The following CHRDL1 variants were observed in gnomAD, a reference collection of about 807,000 sequenced individuals.
CHRDL1 encodes the protein chordin-like protein 1.
In CHRDL1, 19 loss-of-function variants were observed where a neutral mutation model predicts 40.9. The observed-to-expected ratio is 0.46, with a 90% CI of 0.32 to 0.68. The LOEUF is 0.68. CHRDL1 is among the 30% of genes least tolerant of loss of function. The probability of loss-of-function intolerance (pLI) is 0.03; values close to 1 mark genes in which losing one functional copy is unlikely to be tolerated. For synonymous variants in CHRDL1, 136 were observed against 123.4 expected, an observed-to-expected ratio of 1.10 and a Z score of -0.68; for missense variants, 329 against 352.1, an observed-to-expected ratio of 0.93 and a Z score of 0.53.
Position 110,759,541 on chromosome X carries a change from A to C in CHRDL1, c.301+120T>G. On this transcript the variant is annotated intron_variant, in intron 4 of 11. Coordinates refer to ENST00000372042, the MANE Select transcript of CHRDL1 (RefSeq NM_001143981.2). ...TTAGAGGCCAGTTTGGACTGCCTAA[A>C]GGTTCCTATTGTTATCTGTCTGGAA... 4 of 559,187 alleles carry C rather than the reference A, an allele frequency of 7.2e-6. No individual in the cohort carries two copies. In the South Asian group the frequency reaches 7.7e-5, roughly 11 times the overall value. The allele number at this position is 559,187 out of a possible 1,213,427, so 46.1% of individuals were successfully genotyped here.
At chrX:110,782,082 T>C (rs2089954301) in intron 2 of CHRDL1, among the ~76,000 whole-genome samples, 1 of 112,061 alleles carries the variant, frequency 8.9e-6, no homozygotes, top group Non-Finnish European at 1.9e-5. Flanking sequence ...AGGAGGTAGA[T>C]GATAAGTGTA....
intron 4 of CHRDL1, among the ~76,000 whole-genome samples, chrX:110,738,173 G>T: frequency 8.9e-6 from 1 of 112,202 alleles, no homozygotes; most frequent in Non-Finnish European, 1.9e-5. Flanking sequence ...CTTTAGATTA[G>T]ACAGCAAAGA....
intron 3 of CHRDL1, among the ~76,000 whole-genome samples, chrX:110,760,272 G>A (rs375946283): frequency 8.9e-5 from 10 of 112,206 alleles, no homozygotes; most frequent in African/African-American, 3.2e-4. Context: ...AAATTCTTCT[G>A]AGGACGAGCT....
At position 110,751,813 on chromosome X, in the gene CHRDL1, G is replaced by A. The variant is rs756969557; in HGVS notation, c.301+7848C>T. On this transcript the variant is annotated intron_variant, in intron 4 of 11. Transcript: ENST00000372042. Reference sequence around the variant, plus strand: ...GGGAAATCAGTGTATTAAAGGGATAGCTACATCCCTATGTTTATCGCAGGA... The same window carrying A: ...GGGAAATCAGTGTATTAAAGGGATAACTACATCCCTATGTTTATCGCAGGA... 6.7e-4 allele frequency among the ~76,000 whole-genome samples: 75 copies of A among 111,762 alleles called. 1 individual carries two copies. The highest frequency in any genetic ancestry group is 1.3e-4 in the Non-Finnish European group (7 of 53,129).
At chrX:110,773,123 G>C (rs1203661101) in intron 2 of CHRDL1, among the ~76,000 whole-genome samples, 1 of 111,658 alleles carries the variant, frequency 9.0e-6, no homozygotes, top group Non-Finnish European at 1.9e-5. Flanking sequence ...TGATTAGTTT[G>C]GATTTGATTT....
At chrX:110,703,590 G>T (rs1472824464) in intron 6 of CHRDL1, among the ~76,000 whole-genome samples, 2 of 111,766 alleles carry the variant, frequency 1.8e-5, no homozygotes, top group Admixed American at 9.6e-5. Context: ...TTGCCCTCAG[G>T]ATATTTACAC....
At chrX:110,781,581 T>C (rs1211554517) in intron 2 of CHRDL1, among the ~76,000 whole-genome samples, 1 of 111,675 alleles carries the variant, frequency 9.0e-6, no homozygotes, top group African/African-American at 3.2e-5. Context: ...ATGTTCTGCA[T>C]GGTTGAATGA....
At chrX:110,695,381 C>T (rs2070365454) in intron 7 of CHRDL1, among the ~76,000 whole-genome samples, 1 of 110,437 alleles carries the variant, frequency 9.1e-6, no homozygotes, top group Admixed American at 9.6e-5. Flanking sequence ...ACTCTGGTAC[C>T]TAAGAAAAGC....
intron 4 of CHRDL1, among the ~76,000 whole-genome samples, chrX:110,748,906 G>C (rs1040230473): frequency 1.8e-5 from 2 of 111,806 alleles, no homozygotes; most frequent in Admixed American, 9.5e-5. Context: ...GCAACAGTGT[G>C]AATGCACTTA....
chrX:110,787,956 T>G (rs1177711904), intron 2 of CHRDL1, among the ~76,000 whole-genome samples: 4 of 112,808 alleles, frequency 3.5e-5, no homozygotes, highest in African/African-American at 1.3e-4. Context: ...AAGTTAGATC[T>G]GCCAAATGGG....
At chrX:110,790,949 C>T (rs764738635) in intron 2 of CHRDL1, among the ~76,000 whole-genome samples, 2 of 106,524 alleles carry the variant, frequency 1.9e-5, no homozygotes, top group South Asian at 8.7e-4. Context: ...AAAGCATAAT[C>T]AAAAACACTA....
At chrX:110,733,582 C>T (rs2071206991) in intron 4 of CHRDL1, among the ~76,000 whole-genome samples, 1 of 111,563 alleles carries the variant, frequency 9.0e-6, no homozygotes, top group South Asian at 3.8e-4. Context: ...ATGCCTTCTA[C>T]TTCTCTATCT....
intron 9 of CHRDL1, among the ~76,000 whole-genome samples, chrX:110,681,872 C>T (rs780665134): frequency 5.2e-4 from 59 of 112,445 alleles, no homozygotes; most frequent in African/African-American, 1.7e-3. Context: ...CAAAGGAGCA[C>T]GTAACTTTGA....
At chrX:110,708,211 A>G (rs1286294447) in intron 6 of CHRDL1, among the ~76,000 whole-genome samples, 1 of 111,327 alleles carries the variant, frequency 9.0e-6, no homozygotes, top group African/African-American at 3.3e-5. Flanking sequence ...AATTAGTTCA[A>G]CCATTGTGGA....
chrX:110,736,350 C>T (rs537167952), intron 4 of CHRDL1, among the ~76,000 whole-genome samples: 9 of 111,827 alleles, frequency 8.0e-5, no homozygotes, highest in African/African-American at 2.9e-4. Context: ...CCATTGATTG[C>T]CATGGGATGG....
rs1235064127 is a variant in CHRDL1, at chrX:110,689,843, CTATA to C, written c.779-1044_779-1041del. On this transcript the variant is annotated intron_variant, in intron 8 of 11. Transcript: ENST00000372042. ...TATATATCTATATATCTATATATAT[CTATA>C]TATCTATATATATCTATATATCTAT... Among the ~76,000 whole-genome samples, 63 of 18,390 alleles carry C rather than the reference CTATA, an allele frequency of 3.4e-3. 8 individuals are homozygous for C. The highest frequency in any genetic ancestry group is 5.3e-3 in the Non-Finnish European group (60 of 11,236). 16.0% of individuals were successfully genotyped at this position (18,390 alleles called of 115,157 possible). A position where few individuals can be genotyped will look rare whatever the true frequency, so the allele number is the denominator to read the frequency against.
intron 6 of CHRDL1, among the ~76,000 whole-genome samples, chrX:110,701,451 A>G (rs1264489210): frequency 8.9e-6 from 1 of 111,999 alleles, no homozygotes; most frequent in Admixed American, 9.5e-5. Context: ...ATATTTTATA[A>G]GATAACCAGA....
intron 4 of CHRDL1, among the ~76,000 whole-genome samples, chrX:110,730,043 C>T (rs1372560292): frequency 8.9e-6 from 1 of 111,762 alleles, no homozygotes; most frequent in East Asian, 2.8e-4. Flanking sequence ...GGCTACTTAA[C>T]CCTTACAGTG....
chrX:110,694,405 G>A, intron 7 of CHRDL1, 74 bp from the exon 8 acceptor site: 1 of 806,407 alleles, frequency 1.2e-6, no homozygotes, highest in Non-Finnish European at 1.8e-6. Flanking sequence ...TATACTAGAA[G>A]TCATTCAATA....
Sources: gnomAD v4.1 joint callset for allele counts (sites outside exome capture counted in the v4.1 genomes callset) on GRCh38, gnomAD v4.1.1 for gene constraint, MANE v1.5 for transcripts, NCBI Gene and HGNC (gene_info 2026-07-23, HGNC 2026-07-21) for gene names.